METAP1: variants seen among roughly 807,000 people sequenced by gnomAD.
METAP1 encodes the protein methionyl aminopeptidase 1.
METAP1 carries 28 observed loss-of-function variants against 53.8 expected under a neutral mutation model. The observed-to-expected ratio is 0.52, with a 90% CI of 0.39 to 0.71. The LOEUF is 0.71. METAP1 is among the 30% of genes least tolerant of loss of function. The pLI, the probability that METAP1 is intolerant of heterozygous loss-of-function variation, is 0.00. For missense variants in METAP1, 389 were observed against 479.8 expected (o/e 0.81, Z 1.77); for synonymous variants, 181 against 165.7 (o/e 1.09, Z -0.71).
At chr4:99,034,936 C>A (rs1725322978) in intron 3 of METAP1, among the ~76,000 whole-genome samples, 1 of 152,090 alleles carries the variant, frequency 6.6e-6, no homozygotes, top group African/African-American at 2.4e-5. Flanking sequence ...CTGTTTGTCA[C>A]CCTTAAATAT....
At chr4:99,022,462 C>T (rs561681054) in intron 1 of METAP1, 34 of 616,610 alleles carry the variant, frequency 5.5e-5, no homozygotes, top group Non-Finnish European at 8.9e-5. Context: ...TGCTGCTTTC[C>T]GGGCCCTCAG....
intron 1 of METAP1, among the ~76,000 whole-genome samples, chr4:99,007,553 A>ATAGCTGATC (rs1723237886): frequency 6.6e-6 from 1 of 151,706 alleles, no homozygotes; most frequent in Non-Finnish European, 1.5e-5. Flanking sequence ...CTGTCATTCA[A>ATAGCTGATC]TAGCTGATCT....
chr4:99,015,985 G>A (rs1388647621), intron 1 of METAP1, among the ~76,000 whole-genome samples: 4 of 152,086 alleles, frequency 2.6e-5, no homozygotes, highest in Admixed American at 6.5e-5. Context: ...ACCCCTTCTC[G>A]GCAGTGCGAA....
In METAP1 at chr4:99,061,260, T is replaced by TG. The variant is rs1727530160; in HGVS notation, c.1105dup (p.Glu369GlyfsTer8). On this transcript the variant is annotated frameshift_variant, in exon 11 of 11. Coordinates refer to ENST00000296411, the MANE Select transcript of METAP1 (RefSeq NM_015143.3). LOFTEE classifies it high-confidence loss of function. ...CCCTCCTGGTCACAGACACTGGCTG[T>TG]GAAATCCTAACCCGGCGACTTGACA... The TG allele has an allele frequency of 6.2e-7, 1 of 1,613,992 alleles. No homozygotes were observed. Among genetic ancestry groups the TG allele is most frequent in the Non-Finnish European group, 8.5e-7 (1 of 1,179,874 alleles).
At chr4:99,020,228 C>T (rs1011905394) in intron 1 of METAP1, among the ~76,000 whole-genome samples, 1 of 152,140 alleles carries the variant, frequency 6.6e-6, no homozygotes, top group African/African-American at 2.4e-5. Flanking sequence ...GGTCAATTTG[C>T]TCTGCTACTC....
intron 1 of METAP1, among the ~76,000 whole-genome samples, chr4:99,006,411 A>G (rs1337862521): frequency 6.6e-6 from 1 of 152,172 alleles, no homozygotes; most frequent in African/African-American, 2.4e-5. Flanking sequence ...TATACTCTTC[A>G]CCTAAGTTAA....
intron 1 of METAP1, among the ~76,000 whole-genome samples, chr4:99,004,588 T>G (rs1299298041): frequency 6.6e-6 from 1 of 151,878 alleles, no homozygotes; most frequent in Non-Finnish European, 1.5e-5. Flanking sequence ...ACCATCTAAC[T>G]TATTAAAAAG....
At chr4:99,029,889 A>G (rs751859028) in intron 2 of METAP1, among the ~76,000 whole-genome samples, 1 of 152,228 alleles carries the variant, frequency 6.6e-6, no homozygotes, top group Non-Finnish European at 1.5e-5. Flanking sequence ...ATAAAGCGAC[A>G]TCTACATTTA....
intron 4 of METAP1, 139 bp from the exon 5 acceptor site, chr4:99,039,235 C>T (rs747590670): frequency 2.0e-4 from 109 of 545,302 alleles, no homozygotes; most frequent in Non-Finnish European, 2.8e-4. Flanking sequence ...AAAAATCTAA[C>T]CTAGACCATC....
intron 1 of METAP1, among the ~76,000 whole-genome samples, chr4:99,021,013 A>G (rs1414265806): frequency 1.3e-5 from 2 of 152,174 alleles, no homozygotes; most frequent in Non-Finnish European, 2.9e-5. Flanking sequence ...TTTTCCCAGT[A>G]GACTCAATCC....
chr4:99,023,730 T>C, intron 1 of METAP1: 1 of 985,438 alleles, frequency 1.0e-6, no homozygotes, highest in Non-Finnish European at 1.2e-6. Context: ...GTTTGGCAAG[T>C]CAGTGGGGCC....
At chr4:99,054,218 C>T (rs1726932683) in intron 9 of METAP1, among the ~76,000 whole-genome samples, 1 of 151,834 alleles carries the variant, frequency 6.6e-6, no homozygotes, top group South Asian at 2.1e-4. Context: ...TTAGTATAGC[C>T]ACCTTCATCA....
At chr4:99,057,137 G>A (rs1727205904) in intron 9 of METAP1, among the ~76,000 whole-genome samples, 1 of 152,208 alleles carries the variant, frequency 6.6e-6, no homozygotes, top group African/African-American at 2.4e-5. Flanking sequence ...CCAAAGTGCT[G>A]GGATTATAGG....
intron 1 of METAP1, chr4:99,025,309 T>A: frequency 1.1e-6 from 1 of 911,650 alleles, no homozygotes; most frequent in Non-Finnish European, 1.3e-6. Context: ...CAAGACAGAG[T>A]TGGTTAGGTC....
chr4:99,060,070 A>G (rs1727430717), intron 10 of METAP1, among the ~76,000 whole-genome samples: 2 of 152,218 alleles, frequency 1.3e-5, no homozygotes, highest in South Asian at 2.1e-4. Context: ...TATACTAGGA[A>G]AGAGCTAAAT....
chr4:99,050,868 G>C (rs1029083568), intron 9 of METAP1, among the ~76,000 whole-genome samples: 12 of 152,098 alleles, frequency 7.9e-5, no homozygotes, highest in African/African-American at 2.2e-4. Flanking sequence ...CTACAAAACC[G>C]GTCCCTAGTG....
chr4:99,052,642 C>T (rs1726794753), intron 9 of METAP1, among the ~76,000 whole-genome samples: 1 of 152,180 alleles, frequency 6.6e-6, no homozygotes, highest in Non-Finnish European at 1.5e-5. Context: ...TCACTTTCCA[C>T]CAGGCCTCTC....
intron 1 of METAP1, among the ~76,000 whole-genome samples, chr4:99,021,091 G>A (rs1352895162): frequency 1.3e-5 from 2 of 152,126 alleles, no homozygotes; most frequent in Non-Finnish European, 2.9e-5. Flanking sequence ...CTGGGGATTA[G>A]CCTTCCCCTT....
chr4:99,049,610 T>C (rs1322664415), intron 9 of METAP1, among the ~76,000 whole-genome samples: 2 of 152,184 alleles, frequency 1.3e-5, no homozygotes, highest in African/African-American at 2.4e-5. Context: ...GAAGAACATG[T>C]TCAGGAATGA....
Sources: allele counts gnomAD v4.1 joint callset (sites outside exome capture counted in the v4.1 genomes callset), GRCh38; gene constraint gnomAD v4.1.1; transcripts MANE v1.5; gene names NCBI Gene and HGNC (gene_info 2026-07-23, HGNC 2026-07-21).